Variants in NWD2 observed in about 807,000 individuals in gnomAD.
NWD2 encodes the protein NACHT and WD repeat domain containing 2, also known as NACHT and WD repeat domain-containing protein 2.
In NWD2, 37 loss-of-function variants were observed where a neutral mutation model predicts 132.7. The observed-to-expected ratio is 0.28, with a 90% CI of 0.21 to 0.37. The LOEUF (loss-of-function observed/expected upper bound fraction) is 0.37. Ranked by LOEUF, NWD2 falls within the 10% of genes least tolerant of loss-of-function variation. The pLI, the probability that NWD2 is intolerant of heterozygous loss-of-function variation, is 1.00. For missense variants in NWD2, 1,592 were observed against 2,122.4 expected (o/e 0.75, Z 4.91); for synonymous variants, 705 against 803.0 (o/e 0.88, Z 2.06).
rs146878286 is a variant in NWD2, at chr4:37,396,006, G to A, written c.358-34566G>A. ...TCAGCAATGCACATTTATAGGCAGCGATGCAAAAAACAAAACAAACTCCAA... is the reference window on the plus strand; with the variant it reads ...TCAGCAATGCACATTTATAGGCAGCAATGCAAAAAACAAAACAAACTCCAA... On this transcript the variant is annotated intron_variant, in intron 3 of 6. Coordinates refer to ENST00000309447, the MANE Select transcript of NWD2 (RefSeq NM_001144990.2). Among the ~76,000 whole-genome samples the A allele has an allele frequency of 1.8e-4, 27 of 151,970 alleles. 2 individuals are homozygous for A. The highest frequency in any genetic ancestry group is 5.3e-4 in the African/African-American group (22 of 41,532).
At chr4:37,293,757 TA>T (rs1383647280) in intron 1 of NWD2, among the ~76,000 whole-genome samples, 1 of 152,182 alleles carries the variant, frequency 6.6e-6, no homozygotes, top group Non-Finnish European at 1.5e-5. Context: ...CTAATGACGT[TA>T]AGGATTTAAA....
intron 3 of NWD2, among the ~76,000 whole-genome samples, chr4:37,411,888 T>G (rs185503876): frequency 7.9e-5 from 12 of 152,296 alleles, no homozygotes; most frequent in Non-Finnish European, 1.8e-4. Flanking sequence ...AAAAACCACA[T>G]GATTATCTCA....
At chr4:37,260,134 T>C (rs1717598905) in intron 1 of NWD2, among the ~76,000 whole-genome samples, 1 of 152,204 alleles carries the variant, frequency 6.6e-6, no homozygotes, top group Non-Finnish European at 1.5e-5. Flanking sequence ...GCATTTTCAC[T>C]AGAGAGCGTT....
At chr4:37,387,072 A>C (rs140350054) in intron 3 of NWD2, among the ~76,000 whole-genome samples, 1 of 152,248 alleles carries the variant, frequency 6.6e-6, no homozygotes, top group East Asian at 1.9e-4. Flanking sequence ...AACCTAACCA[A>C]TCAGTTCGGT....
intron 5 of NWD2, among the ~76,000 whole-genome samples, chr4:37,436,692 G>T (rs1577702271): frequency 6.6e-6 from 1 of 152,064 alleles, no homozygotes; most frequent in East Asian, 1.9e-4. Flanking sequence ...TCTTCATGAT[G>T]CTCTCAGAAT....
intron 2 of NWD2, among the ~76,000 whole-genome samples, chr4:37,327,566 G>A: frequency 6.6e-6 from 1 of 152,118 alleles, no homozygotes; most frequent in Admixed American, 6.5e-5. Context: ...TCAGTTCAGT[G>A]TCTAAAATAG....
intron 1 of NWD2, among the ~76,000 whole-genome samples, chr4:37,268,701 T>G (rs4832891): frequency 6.8e-6 from 1 of 147,812 alleles, no homozygotes; most frequent in Admixed American, 6.9e-5. Context: ...TTTGTGATAA[T>G]TAGAGAAAAA....
intron 1 of NWD2, among the ~76,000 whole-genome samples, chr4:37,274,946 A>G (rs1344250785): frequency 6.6e-6 from 1 of 152,162 alleles, no homozygotes; most frequent in Non-Finnish European, 1.5e-5. Context: ...AATAAGAGCT[A>G]TCTATGACAA....
intron 1 of NWD2, among the ~76,000 whole-genome samples, chr4:37,268,780 T>C (rs892345160): frequency 6.6e-6 from 1 of 151,310 alleles, no homozygotes; most frequent in African/African-American, 2.4e-5. Context: ...ATATAATGAG[T>C]TGATAGGGTG....
intron 2 of NWD2, among the ~76,000 whole-genome samples, chr4:37,349,592 G>A (rs1488732366): frequency 6.6e-6 from 1 of 152,144 alleles, no homozygotes; most frequent in Non-Finnish European, 1.5e-5. Context: ...TTAGACCTTT[G>A]TCAGATGGAT....
chr4:37,396,167 A>G (rs962654474), intron 3 of NWD2, among the ~76,000 whole-genome samples: 1 of 152,248 alleles, frequency 6.6e-6, no homozygotes, highest in Non-Finnish European at 1.5e-5. Flanking sequence ...GAGCTCTTTC[A>G]TGGAGCTCAT....
At position 37,287,390 on chromosome 4, in the gene NWD2, A is replaced by G. The variant is rs554777665; in HGVS notation, c.152-38546A>G. Among the ~76,000 whole-genome samples, 35 of 152,258 alleles carry G rather than the reference A, an allele frequency of 2.3e-4. No individual in the cohort carries two copies. The South Asian group carries it at 6.8e-3, about 30-fold the overall frequency. ...GGGACTCATAACTGCCTAACATACT[A>G]AGCAACCTGGGTTGGGGAAGGGTGG... On this transcript the variant is annotated intron_variant, in intron 1 of 6. Transcript: ENST00000309447.
intron 4 of NWD2, among the ~76,000 whole-genome samples, chr4:37,433,511 G>T (rs1435959318): frequency 6.6e-6 from 1 of 152,106 alleles, no homozygotes; most frequent in Non-Finnish European, 1.5e-5. Flanking sequence ...AACAAATAAA[G>T]ACAACTAGAT....
intron 3 of NWD2, among the ~76,000 whole-genome samples, chr4:37,423,634 A>G (rs1364260976): frequency 6.6e-6 from 1 of 152,198 alleles, no homozygotes; most frequent in African/African-American, 2.4e-5. Flanking sequence ...CAGGCCCTCA[A>G]TGGATTGCAT....
chr4:37,364,226 C>T (rs990685624), intron 3 of NWD2, among the ~76,000 whole-genome samples: 3 of 152,188 alleles, frequency 2.0e-5, no homozygotes, highest in Non-Finnish European at 2.9e-5. Context: ...TTGGAGAATC[C>T]GTCCCCACTC....
In NWD2 at chr4:37,323,097, T is replaced by C. The variant is rs192250710; in HGVS notation, c.152-2839T>C. Among the ~76,000 whole-genome samples, 21 of 152,210 alleles carry C rather than the reference T, an allele frequency of 1.4e-4. No homozygotes were observed. In the East Asian group the frequency reaches 4.1e-3, roughly 29 times the overall value. ...CCCTCTGCCCTTTGGTTTCTTTGCC[T>C]AAAAAACATGGTAATAATGTTACCT... On this transcript the variant is annotated intron_variant, in intron 1 of 6. Coordinates refer to ENST00000309447, the MANE Select transcript of NWD2 (RefSeq NM_001144990.2).
intron 1 of NWD2, among the ~76,000 whole-genome samples, chr4:37,263,952 C>A (rs960016266): frequency 5.9e-5 from 9 of 152,136 alleles, no homozygotes; most frequent in African/African-American, 2.2e-4. Context: ...TTCTGGGCAT[C>A]TCTTAAATAA....
chr4:37,265,462 C>T (rs900408367), intron 1 of NWD2, among the ~76,000 whole-genome samples: 23 of 152,064 alleles, frequency 1.5e-4, no homozygotes, highest in African/African-American at 4.1e-4. Context: ...GTCAGAAGTC[C>T]GAATTCAGTT....
At chr4:37,413,689 T>C (rs1721207552) in intron 3 of NWD2, among the ~76,000 whole-genome samples, 1 of 152,084 alleles carries the variant, frequency 6.6e-6, no homozygotes, top group Non-Finnish European at 1.5e-5. Flanking sequence ...TATTGCGGTG[T>C]GGTTCACAAT....
Sources: gnomAD v4.1 joint callset for allele counts (sites outside exome capture counted in the v4.1 genomes callset) on GRCh38, gnomAD v4.1.1 for gene constraint, MANE v1.5 for transcripts, NCBI Gene and HGNC (gene_info 2026-07-23, HGNC 2026-07-21) for gene names.